Variants in MSLN observed in about 807,000 individuals in gnomAD.
MSLN encodes mesothelin.
In MSLN, 82 loss-of-function variants were observed where a neutral mutation model predicts 72.6. The ratio of observed to expected loss-of-function variants is 1.13; its 90% CI spans 0.94 to 1.36. The LOEUF is 1.36. Ranked by LOEUF, MSLN falls within the 40% of genes most tolerant of loss-of-function variation. The pLI is 0.00. For missense variants in MSLN, 1,005 were observed against 847.9 expected, an observed-to-expected ratio of 1.19 and a Z score of -2.30; for synonymous variants, 456 against 387.3, an observed-to-expected ratio of 1.18 and a Z score of -2.08.
Position 766,125 on chromosome 16 carries a change from GGGAGCT to G in MSLN, c.966_971del (p.Leu323_Glu324del). 6.2e-7 allele frequency: 1 copy of G among 1,612,730 alleles called. No individual in the cohort carries two copies. Among genetic ancestry groups the G allele is most frequent in the Non-Finnish European group, 8.5e-7 (1 of 1,179,914 alleles). On this transcript the variant is annotated inframe_deletion, in exon 12 of 18. Transcript: ENST00000545450. ...GAGAGCCTCATCTTCTACAAGAAGT[GGGAGCT>G]GGAAGCCTGCGTGGATGCGGCCCTG... is the stretch of plus-strand genomic sequence containing the variant.
At position 765,444 on chromosome 16, in the gene MSLN, A is replaced by C. The variant is rs968194239; in HGVS notation, c.705-83A>C. The C allele has an allele frequency of 7.6e-5, 109 of 1,441,568 alleles. No individual in the cohort carries two copies. The African/African-American group carries it at 1.3e-3, about 17-fold the overall frequency. 89.3% of individuals were successfully genotyped at this position (1,441,568 alleles called of 1,614,324 possible). On this transcript the variant is annotated intron_variant, in intron 9 of 17. Transcript: ENST00000545450. ...TGCCAATGCCCCCAGCGTCCCCTCC[A>C]CAGCCAGGGGGTACGGCCTGGCCTC...
chr16:768,343 A>C (rs761878855), intron 16 of MSLN, 36 bp from the exon 17 acceptor site: 2 of 1,496,912 alleles, frequency 1.3e-6, no homozygotes, highest in Non-Finnish European at 1.8e-6. Context: ...TGAGGGAAGG[A>C]GACCCTCCTT....
chr16:761,542 T>A (rs2041536793), intron 2 of MSLN, among the ~76,000 whole-genome samples: 1 of 152,038 alleles, frequency 6.6e-6, no homozygotes, highest in African/African-American at 2.4e-5. Context: ...AGTGCCCAGG[T>A]CCCCTGTGAT....
In MSLN at chr16:765,194, G is replaced by C. The variant is rs138860686; in HGVS notation, c.595G>C (p.Glu199Gln). ...CGACCTGCCTGGGCGCTTTGTGGCC[G>C]AGTCGGCCGAAGTGCTGCTACCCCG... ...ACDLPGRFVA[E>Q]SAEVLLPRLV... Residue 199 changes from glutamate to glutamine, a missense_variant, in exon 9 of 18, where the codon GAG (glutamate) becomes CAG (glutamine). By Grantham distance (29) the Glu-to-Gln change is conservative (BLOSUM62 2). Coordinates refer to ENST00000545450, the MANE Select transcript of MSLN (RefSeq NM_005823.6). 209 of 1,593,794 alleles carry C rather than the reference G, an allele frequency of 1.3e-4. No individual in the cohort carries two copies. The African/African-American group carries it at 2.5e-3, about 19-fold the overall frequency.
rs148647294 is a variant in MSLN at position 766,687 on chromosome 16, G to A, written c.1250G>A (p.Arg417His). The change falls in exon 14 of 18, where the codon CGC becomes CAC. Residue 417 changes from arginine (R) to histidine (H), a missense_variant. Coordinates refer to ENST00000545450, the MANE Select transcript of MSLN (RefSeq NM_005823.6). ...CCACAGGTGGCCACCCTGATCGACC[G>A]CTTTGTGAAGGGAAGGGGCCAGCTA... ...MSPQVATLID[R>H]FVKGRGQLDK... 1.1e-4 allele frequency: 176 copies of A among 1,612,392 alleles called. No homozygotes were observed. Among genetic ancestry groups the A allele is most frequent in the South Asian group, 1.5e-4 (14 of 91,088 alleles).
In MSLN at chr16:766,812, T is replaced by G; in HGVS notation, c.1373+2T>G. On this transcript the variant is annotated splice_donor_variant, in intron 14 of 17. Coordinates refer to ENST00000545450, the MANE Select transcript of MSLN (RefSeq NM_005823.6). LOFTEE classifies it high-confidence loss of function. ...CTCCGTGCCCCCCAGCAGCATCTGGTGAGTCCCCAGAACTCTGCCCGGCAA... is the reference window on the plus strand; with the variant it reads ...CTCCGTGCCCCCCAGCAGCATCTGGGGAGTCCCCAGAACTCTGCCCGGCAA... The G allele has an allele frequency of 1.2e-6, 2 of 1,612,416 alleles. No individual in the cohort carries two copies. Among genetic ancestry groups the G allele is most frequent in the Non-Finnish European group, 1.7e-6 (2 of 1,179,860 alleles).
rs556292209 is a variant in MSLN, at chr16:768,073, G to C, written c.1597-306G>C. On this transcript the variant is annotated intron_variant, in intron 16 of 17. Coordinates refer to ENST00000545450, the MANE Select transcript of MSLN (RefSeq NM_005823.6). ...CGCGTGGAGGAGGGGCACATGGAGG[G>C]GGGGGCAAGTGGAGAAGCCCTGGTG... Among the ~76,000 whole-genome samples the C allele has an allele frequency of 5.6e-3, 651 of 116,376 alleles. 11 individuals are homozygous for C. The highest frequency in any genetic ancestry group is 0.015 in the African/African-American group (447 of 29,234). The allele number at this position is 116,376 out of a possible 152,430, so 76.3% of individuals were successfully genotyped here.
chr16:765,035 G>C lies in MSLN; in HGVS notation c.509G>C (p.Trp170Ser), dbSNP rs2151615388. The change falls in exon 8 of 18, where the codon TGG becomes TCG. Residue 170 changes from tryptophan (W) to serine (S), a missense_variant and splice_region_variant. Transcript: ENST00000545450. ...CTGCTGCCTGCGGCTCTGGCCTGCTGGGTAGGGGCTGGGGCCAGCGCGGGG... is the reference window on the plus strand; with the variant it reads ...CTGCTGCCTGCGGCTCTGGCCTGCTCGGTAGGGGCTGGGGCCAGCGCGGGG... ...QRLLPAALAC[W>S]GVRGSLLSEA... is the part of the protein sequence containing the mutation. 1 of 1,611,436 alleles carries C rather than the reference G, an allele frequency of 6.2e-7. No homozygotes were observed. The highest frequency in any genetic ancestry group is 1.1e-5 in the South Asian group (1 of 90,956).
chr16:763,851 C>G (rs370931234), intron 5 of MSLN, among the ~76,000 whole-genome samples, 160 bp downstream of exon 5: 3 of 16,156 alleles, frequency 1.9e-4, no homozygotes, highest in Admixed American at 8.2e-4. Context: ...ACTGACACCC[C>G]TCAGGTGATG....
chr16:764,131 C>T lies in MSLN; in HGVS notation c.288C>T (p.Leu96=), dbSNP rs1220517893. 1.2e-6 allele frequency: 2 copies of T among 1,604,554 alleles called. No individual in the cohort carries two copies. The highest frequency in any genetic ancestry group is 1.7e-6 in the Non-Finnish European group (2 of 1,179,668). The change falls in exon 6 of 18, where the codon CTC becomes CTT. Residue 96 remains leucine, a synonymous_variant. Coordinates refer to ENST00000545450, the MANE Select transcript of MSLN (RefSeq NM_005823.6). ...CCTTGGCACAGAAGAATGTCAAGCT[C>T]TCAACAGAGCAGGTCAGTCTCAGTT... is the stretch of plus-strand genomic sequence containing the variant. The part of the protein sequence containing the change: ...AVALAQKNVK[L]STEQLRCLAH...
intron 15 of MSLN, 145 bp from the exon 16 acceptor site, chr16:767,231 G>A: frequency 9.2e-7 from 1 of 1,088,530 alleles, no homozygotes; most frequent in East Asian, 2.4e-5. Flanking sequence ...ACGCCTGGGG[G>A]TCAGGCGGCT....
chr16:761,740 T>C (rs2041539253), intron 2 of MSLN, among the ~76,000 whole-genome samples: 2 of 152,094 alleles, frequency 1.3e-5, no homozygotes, highest in African/African-American at 4.8e-5. Context: ...GCTGTGTGCC[T>C]CCCCGCGACA....
chr16:765,175 G>C lies in MSLN; in HGVS notation c.576G>C (p.Leu192=), dbSNP rs756172122. 3 of 1,600,638 alleles carry C rather than the reference G, an allele frequency of 1.9e-6. No individual in the cohort carries two copies. The highest frequency in any genetic ancestry group is 2.5e-6 in the Non-Finnish European group (3 of 1,178,298). The change falls in exon 9 of 18, where the codon CTG becomes CTC. Residue 192 remains leucine (L), a synonymous_variant. Coordinates refer to ENST00000545450, the MANE Select transcript of MSLN (RefSeq NM_005823.6). The part of the protein sequence containing the change: ...VRALGGLACD[L]PGRFVAESAE... ...CTCTGGGAGGCCTGGCTTGCGACCT[G>C]CCTGGGCGCTTTGTGGCCGAGTCGG...
At chr16:763,298 CAG>C (rs1491328084) in intron 4 of MSLN, 22 bp downstream of exon 4, 83 of 1,534,426 alleles carry the variant, frequency 5.4e-5, no homozygotes, top group Middle Eastern at 1.7e-4. Flanking sequence ...TCTGGGGAAA[CAG>C]GGGAGGGTCT....
intron 6 of MSLN, among the ~76,000 whole-genome samples, chr16:764,386 C>T (rs867128798): frequency 5.3e-5 from 8 of 152,318 alleles, no homozygotes; most frequent in East Asian, 1.9e-4. Flanking sequence ...CCTCCTGGAG[C>T]GCCGTGGGCA....
At chr16:763,860 T>C (rs1318683170) in intron 5 of MSLN, among the ~76,000 whole-genome samples, 163 bp from the exon 6 acceptor site, 1 of 14,740 alleles carries the variant, frequency 6.8e-5, no homozygotes, top group Non-Finnish European at 1.4e-4. Context: ...CCTCAGGTGA[T>C]GGCAACTCCC....
chr16:765,216 C>A lies in MSLN; in HGVS notation c.617C>A (p.Pro206His). ...GCCGAGTCGGCCGAAGTGCTGCTAC[C>A]CCGGCTGGTGAGCTGCCCGGGACCC... is the stretch of plus-strand genomic sequence containing the variant. ...FVAESAEVLL[P>H]RLVSCPGPLD... is the part of the protein sequence containing the mutation. The change falls in exon 9 of 18, where the codon CCC (proline) becomes CAC (histidine). Residue 206 changes from proline (P) to histidine (H), a missense_variant. Transcript: ENST00000545450. 2.5e-6 allele frequency: 4 copies of A among 1,587,988 alleles called. No individual in the cohort carries two copies. Among genetic ancestry groups the A allele is most frequent in the Non-Finnish European group, 3.4e-6 (4 of 1,173,214 alleles).
rs758140080 is a variant in MSLN, at chr16:768,711, T to C, written c.1847T>C (p.Leu616Pro). 9.9e-6 allele frequency: 16 copies of C among 1,610,670 alleles called. No individual in the cohort carries two copies. Among genetic ancestry groups the C allele is most frequent in the Non-Finnish European group, 1.1e-5 (13 of 1,179,466 alleles). ...CCTGTTCTCACCGTCCTGGCACTGCTCCTAGCCTCCACCCTGGCCTGAGGG... is the reference window on the plus strand; with the variant it reads ...CCTGTTCTCACCGTCCTGGCACTGCCCCTAGCCTCCACCCTGGCCTGAGGG... ...PGPVLTVLAL[L>P]LASTLA Residue 616 changes from leucine to proline, a missense_variant, in exon 18 of 18, where the codon CTC (leucine) becomes CCC (proline). Coordinates refer to ENST00000545450, the MANE Select transcript of MSLN (RefSeq NM_005823.6).
intron 2 of MSLN, among the ~76,000 whole-genome samples, chr16:761,962 C>A (rs1383908246): frequency 6.6e-6 from 1 of 152,206 alleles, no homozygotes; most frequent in Non-Finnish European, 1.5e-5. Flanking sequence ...CCACCCCTAC[C>A]CCAGGAGGAC....
Sources: gnomAD v4.1 joint callset for allele counts (sites outside exome capture counted in the v4.1 genomes callset) on GRCh38, gnomAD v4.1.1 for gene constraint, MANE v1.5 for transcripts, NCBI Gene and HGNC (gene_info 2026-07-23, HGNC 2026-07-21) for gene names.